The following GUCY1A2 variants were observed in gnomAD, a reference collection of about 807,000 sequenced individuals.
The protein encoded by GUCY1A2 is guanylate cyclase soluble subunit alpha-2.
Under a neutral mutation model 63.5 loss-of-function variants are expected in GUCY1A2, and 27 were observed. The observed-to-expected ratio is 0.43, with a 90% CI of 0.31 to 0.59. GUCY1A2 has a LOEUF of 0.59. Among genes scored for constraint, GUCY1A2 ranks in the 20% least tolerant of loss-of-function variants. The pLI, the probability that GUCY1A2 is intolerant of heterozygous loss-of-function variation, is 0.11. For synonymous variants in GUCY1A2, 364 were observed against 343.5 expected (o/e 1.06, Z -0.66); for missense variants, 768 against 913.3 (o/e 0.84, Z 2.05).
intron 4 of GUCY1A2, among the ~76,000 whole-genome samples, chr11:106,905,671 G>A (rs531489459): frequency 4.6e-5 from 7 of 152,088 alleles, no homozygotes; most frequent in African/African-American, 1.4e-4. Context: ...ACTCATGGCC[G>A]GTCTAAACAA....
At chr11:106,719,658 T>A (rs1040171388) in intron 6 of GUCY1A2, among the ~76,000 whole-genome samples, 7 of 152,200 alleles carry the variant, frequency 4.6e-5, no homozygotes, top group Non-Finnish European at 7.4e-5. Flanking sequence ...TGAGTTACAA[T>A]GTAGAACTCT....
rs60486225 is a variant in GUCY1A2 at position 106,730,059 on chromosome 11, AATATATATAT to A, written c.1837-21403_1837-21394del. Among the ~76,000 whole-genome samples, 803 of 103,344 alleles carry A rather than the reference AATATATATAT, an allele frequency of 7.8e-3. 22 individuals are homozygous for A. Among genetic ancestry groups the A allele is most frequent in the South Asian group, 0.022 (62 of 2,806 alleles). The allele number at this position is 103,344 out of a possible 152,430, so 67.8% of individuals were successfully genotyped here. On this transcript the variant is annotated intron_variant, in intron 6 of 7. Transcript: ENST00000526355. ...AAACTGCTTTCTTTAATCAGCATGGAATATATATATATATATATATATATATATATATATA... is the reference window on the plus strand; with the variant it reads ...AAACTGCTTTCTTTAATCAGCATGGAATATATATATATATATATATATATA...
At chr11:106,754,283 C>T (rs2135387213) in intron 6 of GUCY1A2, among the ~76,000 whole-genome samples, 1 of 152,276 alleles carries the variant, frequency 6.6e-6, no homozygotes, top group East Asian at 1.9e-4. Flanking sequence ...TCTAAATGTA[C>T]AATCATGTCA....
intron 4 of GUCY1A2, among the ~76,000 whole-genome samples, chr11:106,857,613 C>T (rs1039003426): frequency 3.9e-5 from 6 of 152,244 alleles, no homozygotes; most frequent in Non-Finnish European, 7.4e-5. Context: ...TCAGTTTTTT[C>T]GAGAACGTAC....
At chr11:106,687,887 G>A (rs1862557054) in intron 7 of GUCY1A2, 131 bp from the exon 8 acceptor site, 1 of 631,224 alleles carries the variant, frequency 1.6e-6, no homozygotes, top group Non-Finnish European at 2.8e-6. Context: ...TTGTATAGAT[G>A]TGGCCTTCAT....
chr11:106,980,886 G>T (rs1239124591), intron 2 of GUCY1A2, among the ~76,000 whole-genome samples: 2 of 151,936 alleles, frequency 1.3e-5, no homozygotes, highest in African/African-American at 4.8e-5. Flanking sequence ...ACCCCACAGG[G>T]TTATTTTTAA....
intron 1 of GUCY1A2, among the ~76,000 whole-genome samples, chr11:106,997,188 T>C (rs978637206): frequency 2.6e-5 from 4 of 152,228 alleles, no homozygotes; most frequent in African/African-American, 9.6e-5. Flanking sequence ...TGGGTATGCA[T>C]AGTTTATATA....
rs1215715559 is a variant in GUCY1A2, at chr11:106,680,985, T to C, written c.*6564A>G. 4.9e-6 allele frequency: 1 copy of C among 203,290 alleles called. No homozygotes were observed. The highest frequency in any genetic ancestry group is 7.6e-5 in the East Asian group (1 of 13,178). The allele number at this position is 203,290 out of a possible 1,614,324, so 12.6% of individuals were successfully genotyped here. ...TAGTTGATTTTAGCTGTAATCCTTA[T>C]ACATTATTCTAAATGATGAAGTAAA... On this transcript the variant is annotated 3_prime_UTR_variant, in exon 8 of 8. Transcript: ENST00000526355.
intron 4 of GUCY1A2, among the ~76,000 whole-genome samples, chr11:106,858,865 A>C (rs1437515673): frequency 6.6e-6 from 1 of 152,128 alleles, no homozygotes; most frequent in Non-Finnish European, 1.5e-5. Flanking sequence ...TCAGAAAGTA[A>C]CCTGAGAACA....
chr11:106,823,850 G>A (rs1017732626), intron 4 of GUCY1A2, among the ~76,000 whole-genome samples: 1 of 151,996 alleles, frequency 6.6e-6, no homozygotes, highest in African/African-American at 2.4e-5. Flanking sequence ...GTGTTTGTTG[G>A]CTGCTTCTAT....
chr11:106,836,597 T>C (rs980376410), intron 4 of GUCY1A2, among the ~76,000 whole-genome samples: 8 of 151,988 alleles, frequency 5.3e-5, no homozygotes, highest in Middle Eastern at 3.2e-3. Flanking sequence ...CATGGTGTTA[T>C]TCAAGAATTA....
chr11:106,960,146 T>G (rs149955565), intron 3 of GUCY1A2, among the ~76,000 whole-genome samples: 1 of 152,364 alleles, frequency 6.6e-6, no homozygotes, highest in African/African-American at 2.4e-5. Context: ...AGTTGGACTG[T>G]TGGTTGTTGC....
rs1388824620 is a variant in GUCY1A2 at position 106,676,020 on chromosome 11, C to T, written c.*11529G>A. ...ATTTAACTCATTGAAGCATATCTTT[C>T]CACAGAGGAACAAATCATGTTTTTT... On this transcript the variant is annotated 3_prime_UTR_variant, in exon 8 of 8. Coordinates refer to ENST00000526355, the MANE Select transcript of GUCY1A2 (RefSeq NM_000855.3). 1.1e-5 allele frequency: 2 copies of T among 187,592 alleles called. No individual in the cohort carries two copies. Among genetic ancestry groups the T allele is most frequent in the Non-Finnish European group, 2.2e-5 (2 of 89,098 alleles). The allele number at this position is 187,592 out of a possible 1,614,324, so 11.6% of individuals were successfully genotyped here.
intron 4 of GUCY1A2, among the ~76,000 whole-genome samples, chr11:106,903,482 C>A (rs1347390989): frequency 6.6e-6 from 1 of 152,126 alleles, no homozygotes; most frequent in Non-Finnish European, 1.5e-5. Context: ...ATAGAATTTA[C>A]CTTGAAGTCT....
intron 6 of GUCY1A2, among the ~76,000 whole-genome samples, chr11:106,755,202 G>C (rs192777734): frequency 6.6e-6 from 1 of 151,820 alleles, no homozygotes; most frequent in East Asian, 1.9e-4. Flanking sequence ...GATATCCCCT[G>C]TATCATTTTT....
chr11:107,000,367 A>G (rs1446628231), intron 1 of GUCY1A2, among the ~76,000 whole-genome samples: 3 of 152,120 alleles, frequency 2.0e-5, no homozygotes. Flanking sequence ...AAATGGAATT[A>G]CAATAGTCTG....
chr11:106,839,713 C>T (rs1032799180), intron 4 of GUCY1A2, among the ~76,000 whole-genome samples: 2 of 151,944 alleles, frequency 1.3e-5, no homozygotes, highest in African/African-American at 2.4e-5. Context: ...TTTGTAGGGA[C>T]ATGGATAAAG....
intron 5 of GUCY1A2, among the ~76,000 whole-genome samples, chr11:106,791,646 C>T (rs541464600): frequency 1.2e-4 from 18 of 152,224 alleles, no homozygotes; most frequent in Non-Finnish European, 2.2e-4. Context: ...TATATATCTA[C>T]GGAATTACTA....
chr11:107,012,398 A>C (rs1225100209), intron 1 of GUCY1A2, among the ~76,000 whole-genome samples: 1 of 152,112 alleles, frequency 6.6e-6, no homozygotes, highest in Non-Finnish European at 1.5e-5. Context: ...ATTCAGTTAA[A>C]ATTAATAGAT....
Sources: allele counts gnomAD v4.1 joint callset (sites outside exome capture counted in the v4.1 genomes callset), GRCh38; gene constraint gnomAD v4.1.1; transcripts MANE v1.5; gene names NCBI Gene and HGNC (gene_info 2026-07-23, HGNC 2026-07-21).